KCNH7: variants seen among roughly 807,000 people sequenced by gnomAD.
KCNH7 encodes potassium voltage-gated channel subfamily H member 7.
Under a neutral mutation model 120.8 loss-of-function variants are expected in KCNH7, and 49 were observed. The ratio of observed to expected loss-of-function variants is 0.41; its 90% CI spans 0.32 to 0.51. The LOEUF (loss-of-function observed/expected upper bound fraction) is 0.51. KCNH7 is among the 20% of genes least tolerant of loss of function. The probability of loss-of-function intolerance (pLI) is 0.38; values close to 1 mark genes in which losing one functional copy is unlikely to be tolerated. For missense variants in KCNH7, 1,097 were observed against 1,446.6 expected (o/e 0.76, Z 3.92); for synonymous variants, 547 against 516.1 (o/e 1.06, Z -0.81).
At chr2:162,553,003 A>T (rs140690786) in intron 2 of KCNH7, among the ~76,000 whole-genome samples, 2 of 152,322 alleles carry the variant, frequency 1.3e-5, no homozygotes, top group African/African-American at 4.8e-5. Context: ...GGCGTTGTTT[A>T]AAGCTGCTAA....
intron 2 of KCNH7, among the ~76,000 whole-genome samples, chr2:162,662,498 T>C (rs1465547897): frequency 6.6e-6 from 1 of 152,234 alleles, no homozygotes; most frequent in Non-Finnish European, 1.5e-5. Context: ...ATATGATCTA[T>C]GTAAAAACAC....
rs1295582660 is a variant in KCNH7, at chr2:162,479,948, A to ATTC, written c.1128+24494_1128+24495insGAA. Among the ~76,000 whole-genome samples the ATTC allele has an allele frequency of 2.0e-5, 3 of 152,148 alleles. No homozygotes were observed. The East Asian group carries it at 5.8e-4, about 29-fold the overall frequency. On this transcript the variant is annotated intron_variant, in intron 6 of 15. Transcript: ENST00000332142. Reference sequence around the variant, plus strand: ...TTCTACTTCATGACAATGTCATCTTAGATTTCATTTGAAGGTATTGCAAAT... The same window carrying ATTC: ...TTCTACTTCATGACAATGTCATCTTATTCGATTTCATTTGAAGGTATTGCAAAT...
chr2:162,565,490 G>A lies in KCNH7; in HGVS notation c.308-28410C>T, dbSNP rs547452521. Among the ~76,000 whole-genome samples the A allele has an allele frequency of 8.7e-4, 132 of 152,022 alleles. No homozygotes were observed. In the South Asian group the frequency reaches 0.01, roughly 12 times the overall value. ...AAATATCTAGATAAGAAGTACCAAA[G>A]GATGACAGTTTTTACTGAATGGTAA... On this transcript the variant is annotated intron_variant, in intron 2 of 15. Transcript: ENST00000332142.
intron 8 of KCNH7, among the ~76,000 whole-genome samples, chr2:162,434,825 C>T (rs1319722777): frequency 6.6e-6 from 1 of 151,892 alleles, no homozygotes; most frequent in Non-Finnish European, 1.5e-5. Context: ...TTATATCTAT[C>T]TATCTATCAT....
At chr2:162,653,900 A>C (rs980671088) in intron 2 of KCNH7, among the ~76,000 whole-genome samples, 2 of 152,194 alleles carry the variant, frequency 1.3e-5, no homozygotes, top group African/African-American at 4.8e-5. Context: ...AAGAAAGAAC[A>C]GTCTCTTCAA....
At position 162,446,371 on chromosome 2, in the gene KCNH7, A is replaced by G. The variant is rs760722582; in HGVS notation, c.1201T>C (p.Leu401=). The change falls in exon 7 of 16, where the codon TTG becomes CTG. Residue 401 remains leucine (L), a synonymous_variant. Coordinates refer to ENST00000332142, the MANE Select transcript of KCNH7 (RefSeq NM_033272.4). ...QTPRINKFTI[L]HYSPFKAVWD... is the part of the protein sequence containing the mutation. The stretch of plus-strand genomic sequence containing the variant: ...ACTGCCTTGAAAGGGCTGTAGTGCA[A>G]TATCGTAAACTTGTTGATGCGTGGT... The G allele has an allele frequency of 5.0e-6, 8 of 1,613,684 alleles. No homozygotes were observed. Among genetic ancestry groups the G allele is most frequent in the African/African-American group, 1.3e-5 (1 of 74,914 alleles).
chr2:162,656,180 T>C (rs1202033205), intron 2 of KCNH7, among the ~76,000 whole-genome samples: 2 of 152,212 alleles, frequency 1.3e-5, no homozygotes, highest in African/African-American at 4.8e-5. Flanking sequence ...TTGTAAATAC[T>C]GTCTTGGAAG....
intron 3 of KCNH7, among the ~76,000 whole-genome samples, chr2:162,526,192 T>C (rs753491862): frequency 6.6e-6 from 1 of 151,832 alleles, no homozygotes; most frequent in African/African-American, 2.4e-5. Flanking sequence ...AGTGTACGAA[T>C]AGGGTGTGGG....
intron 2 of KCNH7, among the ~76,000 whole-genome samples, chr2:162,760,369 A>G (rs1688927633): frequency 6.6e-6 from 1 of 152,090 alleles, no homozygotes; most frequent in Admixed American, 6.6e-5. Context: ...ATAAATCTCA[A>G]TAAACTCCTC....
chr2:162,433,752 G>T (rs1229565933), intron 8 of KCNH7, among the ~76,000 whole-genome samples: 2 of 151,894 alleles, frequency 1.3e-5, no homozygotes, highest in African/African-American at 4.8e-5. Flanking sequence ...TGCTTATATT[G>T]GGGAATATAA....
chr2:162,423,595 T>G, intron 8 of KCNH7, 60 bp from the exon 9 acceptor site: 3 of 1,432,022 alleles, frequency 2.1e-6, no homozygotes, highest in South Asian at 1.3e-5. Flanking sequence ...TTATATATTG[T>G]TAGAGTATCA....
intron 2 of KCNH7, among the ~76,000 whole-genome samples, chr2:162,735,276 T>C (rs886745445): frequency 1.3e-5 from 2 of 152,192 alleles, no homozygotes; most frequent in African/African-American, 4.8e-5. Flanking sequence ...TCATAAACTC[T>C]GAGGCAAAGG....
In KCNH7 at chr2:162,384,945, C is replaced by T. The variant is rs1055861979; in HGVS notation, c.2711-6G>A. ...AGGATCATTTGTACTGTTTTCTTTGCCAAAATATATCAAAGAAAAGTTATT... is the reference window on the plus strand; with the variant it reads ...AGGATCATTTGTACTGTTTTCTTTGTCAAAATATATCAAAGAAAAGTTATT... On this transcript the variant is annotated splice_polypyrimidine_tract_variant and splice_region_variant and intron_variant, in intron 12 of 15. Transcript: ENST00000332142. 5.7e-6 allele frequency: 9 copies of T among 1,590,200 alleles called. No individual in the cohort carries two copies. In the Admixed American group the frequency reaches 7.1e-5, roughly 12 times the overall value.
chr2:162,773,823 T>C (rs1369931431), intron 2 of KCNH7, among the ~76,000 whole-genome samples: 1 of 152,190 alleles, frequency 6.6e-6, no homozygotes, highest in African/African-American at 2.4e-5. Context: ...AACCTTATTA[T>C]TATCCATTGT....
intron 6 of KCNH7, among the ~76,000 whole-genome samples, chr2:162,476,513 G>T (rs997633922): frequency 2.0e-5 from 3 of 152,068 alleles, no homozygotes; most frequent in African/African-American, 2.4e-5. Context: ...TAAAATAAAG[G>T]TTATGAATCT....
chr2:162,558,071 A>G (rs534956625), intron 2 of KCNH7, among the ~76,000 whole-genome samples: 3 of 152,182 alleles, frequency 2.0e-5, no homozygotes, highest in Non-Finnish European at 4.4e-5. Flanking sequence ...TACATAAAAC[A>G]TCTTATAGGT....
chr2:162,460,239 C>T (rs1689102185), intron 6 of KCNH7, among the ~76,000 whole-genome samples: 1 of 151,984 alleles, frequency 6.6e-6, no homozygotes, highest in South Asian at 2.1e-4. Context: ...TGGGGAATGA[C>T]ATGCTTTCTC....
In KCNH7 at chr2:162,702,398, A is replaced by G. The variant is rs12612987; in HGVS notation, c.307+134139T>C. The stretch of plus-strand genomic sequence containing the variant: ...CAATATGTTCTGTCAAATAAAAGAT[A>G]TATCATAAGGTAGAGACTACTGGTT... On this transcript the variant is annotated intron_variant, in intron 2 of 15. Transcript: ENST00000332142. Among the ~76,000 whole-genome samples, 1,349 of 152,306 alleles carry G rather than the reference A, an allele frequency of 8.9e-3. 32 individuals carry two copies. The East Asian group carries it at 0.11, about 13-fold the overall frequency.
At chr2:162,668,236 A>G (rs1685215255) in intron 2 of KCNH7, among the ~76,000 whole-genome samples, 1 of 152,188 alleles carries the variant, frequency 6.6e-6, no homozygotes, top group South Asian at 2.1e-4. Flanking sequence ...TCATCTACCA[A>G]TCCATGTTTA....
Sources: gnomAD v4.1 joint callset for allele counts (sites outside exome capture counted in the v4.1 genomes callset) on GRCh38, gnomAD v4.1.1 for gene constraint, MANE v1.5 for transcripts, NCBI Gene and HGNC (gene_info 2026-07-23, HGNC 2026-07-21) for gene names.